Variants in P4HA2 observed in about 807,000 individuals in gnomAD.
P4HA2 encodes prolyl 4-hydroxylase subunit alpha-2.
Under a neutral mutation model 76.9 loss-of-function variants are expected in P4HA2, and 46 were observed. That is an observed-to-expected ratio of 0.60 (90% CI 0.47 to 0.76). The LOEUF (loss-of-function observed/expected upper bound fraction) is 0.76, where lower values mean the gene tolerates loss of function less well. Ranked by LOEUF, P4HA2 falls within the 30% of genes least tolerant of loss-of-function variation. The pLI is 0.00. For missense variants in P4HA2, 583 were observed against 669.4 expected, an observed-to-expected ratio of 0.87 and a Z score of 1.42; for synonymous variants, 243 against 254.0, an observed-to-expected ratio of 0.96 and a Z score of 0.41.
intron 1 of P4HA2, among the ~76,000 whole-genome samples, chr5:132,223,489 T>G (rs1382486545): frequency 1.3e-5 from 2 of 152,200 alleles, no homozygotes; most frequent in Non-Finnish European, 1.5e-5. Flanking sequence ...CTTAAACTCC[T>G]GACCTCAGGC....
chr5:132,194,669 G>A (rs1750352249), intron 14 of P4HA2, among the ~76,000 whole-genome samples: 2 of 152,194 alleles, frequency 1.3e-5, no homozygotes, highest in African/African-American at 4.8e-5. Flanking sequence ...TGGACCTATG[G>A]TGCTTATGCA....
At chr5:132,208,170 G>A (rs965117645) in intron 7 of P4HA2, among the ~76,000 whole-genome samples, 105 of 151,154 alleles carry the variant, frequency 6.9e-4, no homozygotes, top group African/African-American at 2.5e-3. Flanking sequence ...GTGCATACCT[G>A]TAGTCCCAGC....
intron 10 of P4HA2, chr5:132,199,748 TG>T (rs1206673438): frequency 1.3e-5 from 2 of 152,320 alleles, no homozygotes. Context: ...AATGTCCATC[TG>T]GGAACAGTTG....
At position 132,192,965 on chromosome 5, in the gene P4HA2, T is replaced by G. The variant is rs1185652840; in HGVS notation, c.*45A>C. The G allele has an allele frequency of 8.1e-7, 1 of 1,238,288 alleles. No individual in the cohort carries two copies. The highest frequency in any genetic ancestry group is 2.3e-5 in the East Asian group (1 of 43,194). The allele number at this position is 1,238,288 out of a possible 1,614,324, so 76.7% of individuals were successfully genotyped here. ...GAACATACAAAGGTGTCTGTCACGT[T>G]GACATGGGCTGAAGGACCAGGAAGG... On this transcript the variant is annotated 3_prime_UTR_variant, in exon 15 of 15. Transcript: ENST00000360568.
chr5:132,226,010 A>C (rs1485717501), intron 1 of P4HA2, among the ~76,000 whole-genome samples: 1 of 152,174 alleles, frequency 6.6e-6, no homozygotes, highest in Non-Finnish European at 1.5e-5. Context: ...CTAAAAGAAA[A>C]GAATTCAAAG....
rs905094052 is a variant in P4HA2 at position 132,192,814 on chromosome 5, G to A, written c.*196C>T. The stretch of plus-strand genomic sequence containing the variant: ...CACTTTGATCCTAGCCTTGGGGCCA[G>A]GGATGGCACAGGCTGAATGGAAGGG... On this transcript the variant is annotated 3_prime_UTR_variant, in exon 15 of 15. Coordinates refer to ENST00000360568, the MANE Select transcript of P4HA2 (RefSeq NM_001017974.2). The A allele has an allele frequency of 2.0e-5, 11 of 548,972 alleles. No individual in the cohort carries two copies. The highest frequency in any genetic ancestry group is 1.6e-4 in the Admixed American group (5 of 31,282). The allele number at this position is 548,972 out of a possible 1,614,324, so 34.0% of individuals were successfully genotyped here.
At chr5:132,210,710 C>T (rs181437499) in intron 5 of P4HA2, among the ~76,000 whole-genome samples, 187 bp from the exon 6 acceptor site, 9 of 152,204 alleles carry the variant, frequency 5.9e-5, no homozygotes, top group East Asian at 3.9e-4. Flanking sequence ...CCCAGCCCTG[C>T]CCTGGACTGG....
intron 12 of P4HA2, among the ~76,000 whole-genome samples, chr5:132,197,059 T>C (rs1750735733): frequency 6.6e-6 from 1 of 152,100 alleles, no homozygotes; most frequent in South Asian, 2.1e-4. Context: ...CCAAGTTACT[T>C]TACTGCCTCT....
intron 9 of P4HA2, 103 bp from the exon 10 acceptor site, chr5:132,203,950 C>T: frequency 9.7e-6 from 11 of 1,138,718 alleles, no homozygotes; most frequent in Non-Finnish European, 1.5e-5. Flanking sequence ...ACAGGCAGTA[C>T]AGGATGCCTG....
Position 132,218,622 on chromosome 5 carries a change from T to G in P4HA2, c.5A>C (p.Lys2Thr). 6.2e-7 allele frequency: 1 copy of G among 1,613,044 alleles called. No homozygotes were observed. Residue 2 changes from lysine to threonine, a missense_variant, in exon 2 of 15, where the codon AAA (lysine) becomes ACA (threonine). Coordinates refer to ENST00000360568, the MANE Select transcript of P4HA2 (RefSeq NM_001017974.2). Reference sequence around the variant, plus strand: ...CATCAGCAATGCAGACACCCAGAGTTTCATGGTCACAGAGGGAAGTGTCTG... The same window carrying G: ...CATCAGCAATGCAGACACCCAGAGTGTCATGGTCACAGAGGGAAGTGTCTG... M[K>T]LWVSALLMAW...
chr5:132,222,510 G>A (rs938763225), intron 1 of P4HA2, among the ~76,000 whole-genome samples: 1 of 152,098 alleles, frequency 6.6e-6, no homozygotes, highest in Non-Finnish European at 1.5e-5. Flanking sequence ...TCCCACCTCT[G>A]CTCTACAAAG....
intron 14 of P4HA2, among the ~76,000 whole-genome samples, chr5:132,194,718 C>T (rs17165741): frequency 0.043 from 6,548 of 152,292 alleles, 238 homozygotes; most frequent in East Asian, 0.099. Flanking sequence ...TCCTGTGTAT[C>T]TCTGAGTGTT....
chr5:132,192,902 C>A lies in P4HA2; in HGVS notation c.*108G>T, dbSNP rs1750052700. 8 of 776,260 alleles carry A rather than the reference C, an allele frequency of 1.0e-5. No individual in the cohort carries two copies. The East Asian group carries it at 2.0e-4, about 19-fold the overall frequency. 48.1% of individuals were successfully genotyped at this position (776,260 alleles called of 1,614,324 possible). The stretch of plus-strand genomic sequence containing the variant: ...TCTCCCTCTGCTCCAGACAAACATT[C>A]ATTTCTCCAAAAATCAGCCTGATAG... On this transcript the variant is annotated 3_prime_UTR_variant, in exon 15 of 15. Coordinates refer to ENST00000360568, the MANE Select transcript of P4HA2 (RefSeq NM_001017974.2).
chr5:132,219,209 TGTCA>T (rs1356078645), intron 1 of P4HA2, among the ~76,000 whole-genome samples: 10 of 152,308 alleles, frequency 6.6e-5, no homozygotes, highest in African/African-American at 2.4e-4. Context: ...AACTAACCCT[TGTCA>T]GTCTGCACCT....
chr5:132,220,973 G>C (rs1032334830), intron 1 of P4HA2, among the ~76,000 whole-genome samples: 1 of 152,104 alleles, frequency 6.6e-6, no homozygotes, highest in Non-Finnish European at 1.5e-5. Context: ...TCTCTGGCAG[G>C]GGTACTCTGG....
At chr5:132,196,239 C>T (rs549880182) in intron 12 of P4HA2, among the ~76,000 whole-genome samples, 4 of 152,298 alleles carry the variant, frequency 2.6e-5, no homozygotes, top group African/African-American at 9.6e-5. Context: ...ACTTGACAGA[C>T]ATATGGTAAA....
rs1750057724 is a variant in P4HA2, at chr5:132,192,935, C to T, written c.*75G>A. On this transcript the variant is annotated 3_prime_UTR_variant, in exon 15 of 15. Transcript: ENST00000360568. ...CAAAAATCAGCCTGATAGGAACATA[C>T]AAAGGAACATACAAAGGTGTCTGTC... 2 of 958,616 alleles carry T rather than the reference C, an allele frequency of 2.1e-6. No individual in the cohort carries two copies. Among genetic ancestry groups the T allele is most frequent in the Admixed American group, 1.7e-5 (1 of 58,214 alleles). The allele number at this position is 958,616 out of a possible 1,614,324, so 59.4% of individuals were successfully genotyped here. A position where few individuals can be genotyped will look rare whatever the true frequency, so the allele number is the denominator to read the frequency against.
At chr5:132,203,501 CT>C (rs1751790555) in intron 10 of P4HA2, 4 of 509,002 alleles carry the variant, frequency 7.9e-6, no homozygotes, top group African/African-American at 1.9e-5. Context: ...ATAACTACCC[CT>C]GATCCCTAGC....
At chr5:132,225,997 G>A (rs1446985870) in intron 1 of P4HA2, among the ~76,000 whole-genome samples, 1 of 152,160 alleles carries the variant, frequency 6.6e-6, no homozygotes, top group Non-Finnish European at 1.5e-5. Flanking sequence ...GAACAAGGAG[G>A]CCCTAAAAGA....
Sources: gnomAD v4.1 joint callset for allele counts (sites outside exome capture counted in the v4.1 genomes callset) on GRCh38, gnomAD v4.1.1 for gene constraint, MANE v1.5 for transcripts, NCBI Gene and HGNC (gene_info 2026-07-23, HGNC 2026-07-21) for gene names.